Variants in TANC1 observed in about 807,000 individuals in gnomAD.
TANC1 encodes protein TANC1.
A neutral mutation model predicts 149.7 loss-of-function variants in TANC1; 77 were observed. That is an observed-to-expected ratio of 0.51 (90% confidence interval 0.43 to 0.62). The LOEUF (loss-of-function observed/expected upper bound fraction) is 0.62, where lower values mean the gene tolerates loss of function less well. Among genes scored for constraint, TANC1 ranks in the 20% least tolerant of loss-of-function variants. TANC1 has a pLI of 0.00. For synonymous variants in TANC1, 854 were observed against 925.0 expected, an observed-to-expected ratio of 0.92 and a Z score of 1.39; for missense variants, 1,985 against 2,321.8, an observed-to-expected ratio of 0.85 and a Z score of 2.98.
At chr2:159,006,747 G>A (rs1263986512) in intron 2 of TANC1, among the ~76,000 whole-genome samples, 1 of 152,198 alleles carries the variant, frequency 6.6e-6, no homozygotes, top group Non-Finnish European at 1.5e-5. Context: ...TTTCTTTGGA[G>A]TTATATGTAG....
intron 11 of TANC1, among the ~76,000 whole-genome samples, chr2:159,173,637 A>G (rs752661557): frequency 6.6e-6 from 1 of 152,190 alleles, no homozygotes; most frequent in Non-Finnish European, 1.5e-5. Context: ...AATAGATTTC[A>G]TGACCCACTG....
intron 2 of TANC1, among the ~76,000 whole-genome samples, chr2:159,044,374 G>A (rs574579103): frequency 9.9e-5 from 15 of 152,206 alleles, no homozygotes; most frequent in African/African-American, 3.6e-4. Context: ...GGAGATTGAG[G>A]CTGCAGTGAG....
At chr2:159,145,751 TATGTA>T (rs1177999476) in intron 5 of TANC1, among the ~76,000 whole-genome samples, 11 of 152,236 alleles carry the variant, frequency 7.2e-5, no homozygotes, top group Admixed American at 7.2e-4. Context: ...CCTTTCACGC[TATGTA>T]ATACTGAGGG....
intron 3 of TANC1, among the ~76,000 whole-genome samples, chr2:159,066,595 C>G (rs1283060635): frequency 6.6e-6 from 1 of 152,116 alleles, no homozygotes; most frequent in Non-Finnish European, 1.5e-5. Context: ...CAGGTGTGTT[C>G]AGGAATTTAG....
intron 3 of TANC1, among the ~76,000 whole-genome samples, chr2:159,090,198 CAT>C (rs2045376058): frequency 3.3e-5 from 5 of 152,194 alleles, no homozygotes; most frequent in Admixed American, 1.3e-4. Context: ...TAGATGTAAA[CAT>C]AATGTGTGTG....
intron 23 of TANC1, chr2:159,225,420 C>T (rs996869967): frequency 4.7e-5 from 25 of 531,834 alleles, no homozygotes; most frequent in South Asian, 1.1e-4. Context: ...ACATCCCACC[C>T]GGAAGGGAGG....
At chr2:158,976,596 A>G (rs2033696850) in intron 1 of TANC1, among the ~76,000 whole-genome samples, 1 of 152,180 alleles carries the variant, frequency 6.6e-6, no homozygotes, top group Non-Finnish European at 1.5e-5. Flanking sequence ...AAAATTATGT[A>G]TGGGCTGAGC....
intron 4 of TANC1, among the ~76,000 whole-genome samples, chr2:159,113,864 C>T (rs145124351): frequency 1.3e-5 from 2 of 152,274 alleles, no homozygotes; most frequent in East Asian, 3.9e-4. Context: ...AATCTAATTG[C>T]TGACATTTGG....
intron 2 of TANC1, among the ~76,000 whole-genome samples, chr2:159,014,410 G>A (rs146794742): frequency 0.045 from 6,917 of 152,196 alleles, 489 homozygotes; most frequent in African/African-American, 0.15. Context: ...TCTCCCACTG[G>A]GTCCCTCCCA....
At chr2:159,021,250 G>A (rs187909584) in intron 2 of TANC1, among the ~76,000 whole-genome samples, 1 of 152,126 alleles carries the variant, frequency 6.6e-6, no homozygotes. Flanking sequence ...TAATGATATA[G>A]TAATCATCAC....
chr2:159,121,735 G>A (rs1479280221), intron 4 of TANC1, among the ~76,000 whole-genome samples: 4 of 152,152 alleles, frequency 2.6e-5, no homozygotes, highest in Non-Finnish European at 5.9e-5. Context: ...AATTGGTATG[G>A]ACAAACATTG....
chr2:159,181,011 C>T (rs989462552), intron 14 of TANC1, among the ~76,000 whole-genome samples: 8 of 152,136 alleles, frequency 5.3e-5, no homozygotes, highest in African/African-American at 1.4e-4. Flanking sequence ...CATTTCTTCC[C>T]CAACTCCCAG....
intron 16 of TANC1, among the ~76,000 whole-genome samples, chr2:159,193,927 T>C (rs563605404): frequency 2.6e-4 from 39 of 152,232 alleles, no homozygotes; most frequent in African/African-American, 7.7e-4. Context: ...GGCATGATCA[T>C]AGTGCACTAC....
At chr2:159,218,669 T>G (rs2059498347) in intron 20 of TANC1, among the ~76,000 whole-genome samples, 1 of 152,208 alleles carries the variant, frequency 6.6e-6, no homozygotes, top group Non-Finnish European at 1.5e-5. Context: ...CTTATGACTA[T>G]GCATGGTTGA....
rs753948871 is a variant in TANC1 at position 159,176,346 on chromosome 2, C to T, written c.1736-6C>T. The T allele has an allele frequency of 1.3e-6, 2 of 1,496,486 alleles. No homozygotes were observed. Among genetic ancestry groups the T allele is most frequent in the Non-Finnish European group, 9.0e-7 (1 of 1,111,196 alleles). The allele number at this position is 1,496,486 out of a possible 1,614,324, so 92.7% of individuals were successfully genotyped here. A position where few individuals can be genotyped will look rare whatever the true frequency, so the allele number is the denominator to read the frequency against. ...CTTAATTTGAAAAAATTATTTTATC[C>T]TGTAGAGCAGAAAATTCCTGAAGAA... is the stretch of plus-strand genomic sequence containing the variant. On this transcript the variant is annotated splice_polypyrimidine_tract_variant and splice_region_variant and intron_variant, in intron 12 of 26. Transcript: ENST00000263635.
intron 4 of TANC1, among the ~76,000 whole-genome samples, chr2:159,121,284 C>T (rs560205061): frequency 6.6e-6 from 1 of 152,312 alleles, no homozygotes; most frequent in African/African-American, 2.4e-5. Flanking sequence ...CTGGGAAATG[C>T]AATTATTTAT....
chr2:159,189,904 G>A (rs1295737542), intron 16 of TANC1, among the ~76,000 whole-genome samples: 1 of 152,188 alleles, frequency 6.6e-6, no homozygotes, highest in Non-Finnish European at 1.5e-5. Flanking sequence ...CATAGTTTAG[G>A]GGAAGGTGAT....
intron 7 of TANC1, among the ~76,000 whole-genome samples, 189 bp from the exon 8 acceptor site, chr2:159,163,093 CA>C (rs540237676): frequency 2.6e-5 from 4 of 152,192 alleles, no homozygotes; most frequent in Non-Finnish European, 4.4e-5. Flanking sequence ...AGTGATTTAG[CA>C]GCTTATTTCC....
intron 2 of TANC1, among the ~76,000 whole-genome samples, chr2:159,026,610 T>A (rs2039363832): frequency 1.3e-5 from 2 of 152,208 alleles, no homozygotes; most frequent in Admixed American, 6.5e-5. Context: ...TGGGAGGGCC[T>A]TCTTGCTGGT....
Sources: allele counts gnomAD v4.1 joint callset (sites outside exome capture counted in the v4.1 genomes callset), GRCh38; gene constraint gnomAD v4.1.1; transcripts MANE v1.5; gene names NCBI Gene and HGNC (gene_info 2026-07-23, HGNC 2026-07-21).